FRRS1: variants seen among roughly 807,000 people sequenced by gnomAD.
The protein encoded by FRRS1 is ferric chelate reductase 1.
A neutral mutation model predicts 70.7 loss-of-function variants in FRRS1; 51 were observed. The ratio of observed to expected loss-of-function variants is 0.72; its 90% CI spans 0.58 to 0.91. FRRS1 has a LOEUF of 0.91. Among genes scored for constraint, FRRS1 ranks in the 40% least tolerant of loss-of-function variants. The pLI, the probability that FRRS1 is intolerant of heterozygous loss-of-function variation, is 0.00. For synonymous variants in FRRS1, 225 were observed against 238.7 expected, an observed-to-expected ratio of 0.94 and a Z score of 0.53; for missense variants, 672 against 726.0, an observed-to-expected ratio of 0.93 and a Z score of 0.86.
chr1:99,753,413 A>AAATTT (rs1656672621), intron 1 of FRRS1, among the ~76,000 whole-genome samples: 1 of 151,776 alleles, frequency 6.6e-6, no homozygotes, highest in South Asian at 2.1e-4. Context: ...TAAAAAGACA[A>AAATTT]ACATTCGATT....
intron 4 of FRRS1, among the ~76,000 whole-genome samples, 194 bp downstream of exon 4, chr1:99,747,100 G>T (rs563380627): frequency 9.4e-6 from 1 of 106,230 alleles, no homozygotes; most frequent in South Asian, 3.0e-4. Context: ...TAAGAATACA[G>T]TATATAACAC....
At chr1:99,746,038 A>C (rs1311117591) in intron 4 of FRRS1, among the ~76,000 whole-genome samples, 1 of 152,242 alleles carries the variant, frequency 6.6e-6, no homozygotes, top group African/African-American at 2.4e-5. Context: ...AGCCTGCAGA[A>C]CAGTGAGCCA....
chr1:99,713,056 T>C (rs1239475925), intron 12 of FRRS1, among the ~76,000 whole-genome samples: 1 of 152,232 alleles, frequency 6.6e-6, no homozygotes. Flanking sequence ...TAAAGGGTTC[T>C]ATCTAATAAA....
chr1:99,715,822 A>AAT, intron 11 of FRRS1, 150 bp from the exon 12 acceptor site: 13 of 553,124 alleles, frequency 2.4e-5, no homozygotes, highest in Admixed American at 3.3e-5. Flanking sequence ...TAGCCAGGTT[A>AAT]AGAAAAAAAA....
At position 99,748,772 on chromosome 1, in the gene FRRS1, A is replaced by G; in HGVS notation, c.1-4T>C. The G allele has an allele frequency of 6.2e-7, 1 of 1,611,182 alleles. No homozygotes were observed. The highest frequency in any genetic ancestry group is 2.2e-5 in the East Asian group (1 of 44,834). On this transcript the variant is annotated splice_region_variant and splice_polypyrimidine_tract_variant and intron_variant, in intron 2 of 16. Coordinates refer to ENST00000646001, the MANE Select transcript of FRRS1 (RefSeq NM_001361041.2). ...GAGTAAATCCAGAAACTGCCATCTCAAAAAGAAGGGTAAAAGCCCATTATT... is the reference window on the plus strand; with the variant it reads ...GAGTAAATCCAGAAACTGCCATCTCGAAAAGAAGGGTAAAAGCCCATTATT...
chr1:99,762,235 G>C (rs1258179563), intron 1 of FRRS1, among the ~76,000 whole-genome samples: 1 of 152,078 alleles, frequency 6.6e-6, no homozygotes, highest in Non-Finnish European at 1.5e-5. Context: ...ATGGACTTTT[G>C]GGGGGACTGC....
chr1:99,757,786 C>T (rs947141248), intron 1 of FRRS1, among the ~76,000 whole-genome samples: 5 of 151,888 alleles, frequency 3.3e-5, no homozygotes, highest in Non-Finnish European at 5.9e-5. Flanking sequence ...GGCACAAGTG[C>T]AATATATTTT....
chr1:99,704,108 A>C lies in FRRS1; in HGVS notation c.*4920T>G, dbSNP rs1477245199. 6.6e-6 allele frequency among the ~76,000 whole-genome samples: 1 copy of C among 152,222 alleles called. No individual in the cohort carries two copies. The highest frequency in any genetic ancestry group is 1.5e-5 in the Non-Finnish European group (1 of 68,036). On this transcript the variant is annotated 3_prime_UTR_variant, in exon 17 of 17. Transcript: ENST00000646001. ...AAATGGCAAAGACATCATCAAAAAC[A>C]TGTACGAAGCAAGCACCTTTTGCTG...
intron 1 of FRRS1, among the ~76,000 whole-genome samples, chr1:99,764,601 A>G (rs899356333): frequency 5.3e-5 from 8 of 152,182 alleles, no homozygotes; most frequent in African/African-American, 1.7e-4. Flanking sequence ...CTACTGTCCT[A>G]TGATACAATG....
At chr1:99,748,852 T>G in intron 2 of FRRS1, 45 bp downstream of exon 2, 2 of 943,844 alleles carry the variant, frequency 2.1e-6, no homozygotes, top group Non-Finnish European at 1.6e-6. Context: ...TAATTCTAGA[T>G]AACTACTTGC....
chr1:99,745,407 G>A lies in FRRS1; in HGVS notation c.333+1887C>T, dbSNP rs189107980. Among the ~76,000 whole-genome samples the A allele has an allele frequency of 9.9e-3, 1,505 of 152,250 alleles. 23 individuals are homozygous for A. The highest frequency in any genetic ancestry group is 0.025 in the African/African-American group (1,026 of 41,536). On this transcript the variant is annotated intron_variant, in intron 4 of 16. Coordinates refer to ENST00000646001, the MANE Select transcript of FRRS1 (RefSeq NM_001361041.2). ...CTGCCTTTTAAAGGTTCTTTTGGCC[G>A]GCACGGTGGGTCATGCATGTAATCC...
chr1:99,742,815 T>C (rs1233039398), intron 4 of FRRS1, among the ~76,000 whole-genome samples: 1 of 152,200 alleles, frequency 6.6e-6, no homozygotes, highest in African/African-American at 2.4e-5. Context: ...CTCTCTCTGC[T>C]ATGCTTCCCA....
intron 1 of FRRS1, among the ~76,000 whole-genome samples, chr1:99,756,064 G>A (rs12726888): frequency 0.037 from 5,675 of 152,186 alleles, 164 homozygotes; most frequent in South Asian, 0.17. Context: ...AATTATGACA[G>A]AATAGGAGTT....
chr1:99,741,010 G>T, intron 5 of FRRS1, 70 bp from the exon 6 acceptor site: 5 of 1,207,176 alleles, frequency 4.1e-6, no homozygotes, highest in African/African-American at 1.6e-5. Flanking sequence ...AACGTTAAAG[G>T]AAAAAAAAAA....
rs1653964092 is a variant in FRRS1, at chr1:99,704,079, A to T, written c.*4949T>A. On this transcript the variant is annotated 3_prime_UTR_variant, in exon 17 of 17. Coordinates refer to ENST00000646001, the MANE Select transcript of FRRS1 (RefSeq NM_001361041.2). The stretch of plus-strand genomic sequence containing the variant: ...CAAAATTTATTAAGTTTAACACTGC[A>T]ATCAAATGGCAAAGACATCATCAAA... Among the ~76,000 whole-genome samples, 1 of 152,210 alleles carries T rather than the reference A, an allele frequency of 6.6e-6. No individual in the cohort carries two copies. The highest frequency in any genetic ancestry group is 1.5e-5 in the Non-Finnish European group (1 of 68,042).
chr1:99,727,870 T>C (rs764713836), intron 9 of FRRS1, among the ~76,000 whole-genome samples: 13 of 152,230 alleles, frequency 8.5e-5, no homozygotes, highest in Non-Finnish European at 1.5e-4. Context: ...TTCTTGAGAA[T>C]AAAGATTCAG....
At chr1:99,733,142 C>G (rs533733526) in intron 7 of FRRS1, among the ~76,000 whole-genome samples, 3 of 152,256 alleles carry the variant, frequency 2.0e-5, no homozygotes, top group African/African-American at 7.2e-5. Flanking sequence ...AGCCACCACG[C>G]CCAGCCAAGA....
chr1:99,747,452 T>C, intron 3 of FRRS1, 22 bp from the exon 4 acceptor site: 1 of 1,603,906 alleles, frequency 6.2e-7, no homozygotes, highest in South Asian at 1.1e-5. Flanking sequence ...ACAAAAGGGT[T>C]GGTTAAAAAG....
intron 15 of FRRS1, among the ~76,000 whole-genome samples, chr1:99,710,075 GT>G (rs1654202570): frequency 6.6e-6 from 1 of 152,182 alleles, no homozygotes. Flanking sequence ...GGACAGATAT[GT>G]ACTACTCAGC....
Sources: allele counts gnomAD v4.1 joint callset (sites outside exome capture counted in the v4.1 genomes callset), GRCh38; gene constraint gnomAD v4.1.1; transcripts MANE v1.5; gene names NCBI Gene and HGNC (gene_info 2026-07-23, HGNC 2026-07-21).